The following NCBP2 variants were observed in gnomAD, a reference collection of about 807,000 sequenced individuals.
NCBP2 encodes the protein nuclear cap-binding protein subunit 2.
A neutral mutation model predicts 21.5 loss-of-function variants in NCBP2; 8 were observed. The observed-to-expected ratio is 0.37, with a 90% confidence interval of 0.22 to 0.67. The LOEUF is 0.67. Ranked by LOEUF, NCBP2 falls within the 30% of genes least tolerant of loss-of-function variation. NCBP2 has a pLI of 0.56. For missense variants in NCBP2, 127 were observed against 206.9 expected (o/e 0.61, Z 2.37); for synonymous variants, 92 against 75.8 (o/e 1.21, Z -1.11).
intron 3 of NCBP2, 191 bp downstream of exon 3, chr3:196,937,319 G>A (rs1256167451): frequency 3.5e-6 from 3 of 846,806 alleles, no homozygotes; most frequent in East Asian, 5.3e-5. Flanking sequence ...TGTTAGAAAC[G>A]TACAGAACAT....
intron 1 of NCBP2, 133 bp downstream of exon 1, chr3:196,942,293 C>A: frequency 6.6e-7 from 1 of 1,516,134 alleles, no homozygotes. Context: ...CCTGCCTCGC[C>A]AGCAGGCACC....
Position 196,939,448 on chromosome 3 carries a change from G to A in NCBP2, c.79-16C>T, listed in dbSNP as rs1716424038. ...CATTGTCACCCTAGAATTTCAAATAGAGACAAAAGTTAAGCAACTTCAGAG... is the reference window on the plus strand; with the variant it reads ...CATTGTCACCCTAGAATTTCAAATAAAGACAAAAGTTAAGCAACTTCAGAG... On this transcript the variant is annotated splice_polypyrimidine_tract_variant and intron_variant, in intron 1 of 3. Coordinates refer to ENST00000321256, the MANE Select transcript of NCBP2 (RefSeq NM_007362.5). 1 of 1,575,252 alleles carries A rather than the reference G, an allele frequency of 6.3e-7. No individual in the cohort carries two copies. The highest frequency in any genetic ancestry group is 1.4e-5 in the African/African-American group (1 of 73,364).
In NCBP2 at chr3:196,936,362, C is replaced by G. The variant is rs982215820; in HGVS notation, c.*649G>C. ...GCATGCCTTTAGAGGTTAGAATTCA[C>G]AGAAAACAAATTCAATTGTCAAACA... On this transcript the variant is annotated 3_prime_UTR_variant, in exon 4 of 4. Coordinates refer to ENST00000321256, the MANE Select transcript of NCBP2 (RefSeq NM_007362.5). 2 of 152,706 alleles carry G rather than the reference C, an allele frequency of 1.3e-5. No homozygotes were observed. The highest frequency in any genetic ancestry group is 2.9e-5 in the Non-Finnish European group (2 of 68,442). The allele number at this position is 152,706 out of a possible 1,614,324, so 9.5% of individuals were successfully genotyped here. A position where few individuals can be genotyped will look rare whatever the true frequency, so the allele number is the denominator to read the frequency against.
At chr3:196,942,191 C>A in intron 1 of NCBP2, 1 of 1,454,784 alleles carries the variant, frequency 6.9e-7, no homozygotes, top group Non-Finnish European at 9.0e-7. Context: ...CAGGGAGCGG[C>A]TGCGAGCGAA....
chr3:196,941,246 C>G (rs1716543429), intron 1 of NCBP2: 1 of 152,178 alleles, frequency 6.6e-6, no homozygotes, highest in African/African-American at 2.4e-5. Flanking sequence ...GCGCCTGCCA[C>G]CACGCCCGCC....
intron 2 of NCBP2, 29 bp downstream of exon 2, chr3:196,939,222 C>G: frequency 6.3e-7 from 1 of 1,597,794 alleles, no homozygotes; most frequent in Non-Finnish European, 8.6e-7. Flanking sequence ...CCTGGTTCAG[C>G]AGCTACATTA....
At chr3:196,939,197 C>A (rs752083684) in intron 2 of NCBP2, 54 bp downstream of exon 2, 1 of 1,514,676 alleles carries the variant, frequency 6.6e-7, no homozygotes, top group Non-Finnish European at 9.2e-7. Context: ...TATGAGCTAC[C>A]ACTCTCAGCT....
chr3:196,942,330 T>G, intron 1 of NCBP2, 96 bp downstream of exon 1: 1 of 1,542,358 alleles, frequency 6.5e-7, no homozygotes, highest in South Asian at 1.2e-5. Context: ...TTTGCGGATT[T>G]CAGCTGAATG....
chr3:196,941,208 T>A (rs1337248401), intron 1 of NCBP2: 4 of 152,184 alleles, frequency 2.6e-5, no homozygotes, highest in Non-Finnish European at 5.9e-5. Context: ...TTCTCCTGCC[T>A]CAGCCTCCCG....
At position 196,936,710 on chromosome 3, in the gene NCBP2, AGT is replaced by A. The variant is rs1716280963; in HGVS notation, c.*299_*300del. ...TCTTACATTTTTCTGTCTTTCTAAAAGTGTAGTGGTTATGGCTAAAGACTAAT... is the reference window on the plus strand; with the variant it reads ...TCTTACATTTTTCTGTCTTTCTAAAAGTAGTGGTTATGGCTAAAGACTAAT... On this transcript the variant is annotated 3_prime_UTR_variant, in exon 4 of 4. Transcript: ENST00000321256. 5.1e-6 allele frequency: 2 copies of A among 394,506 alleles called. No individual in the cohort carries two copies. Among genetic ancestry groups the A allele is most frequent in the South Asian group, 7.6e-5 (2 of 26,448 alleles). The allele number at this position is 394,506 out of a possible 1,614,324, so 24.4% of individuals were successfully genotyped here.
intron 2 of NCBP2, chr3:196,938,443 A>G (rs1716367603): frequency 6.6e-6 from 1 of 152,230 alleles, no homozygotes; most frequent in Non-Finnish European, 1.5e-5. Context: ...TGGGCCTGCA[A>G]AATTTCTCAG....
At chr3:196,939,513 C>T (rs1716428292) in intron 1 of NCBP2, 81 bp from the exon 2 acceptor site, 4 of 1,076,576 alleles carry the variant, frequency 3.7e-6, no homozygotes, top group Non-Finnish European at 3.9e-6. Context: ...TAGAGACATT[C>T]ATTAATTCTG....
At position 196,937,528 on chromosome 3, in the gene NCBP2, A is replaced by C; in HGVS notation, c.381T>G (p.Arg127=). 1 of 1,614,118 alleles carries C rather than the reference A, an allele frequency of 6.2e-7. No homozygotes were observed. The highest frequency in any genetic ancestry group is 8.5e-7 in the Non-Finnish European group (1 of 1,180,012). Reference sequence around the variant, plus strand: ...TGCATACCTGGCCCCCAGATCGCCCACGGCCGTATTGCCTGCCCTCCTTAA... The same window carrying C: ...TGCATACCTGGCCCCCAGATCGCCCCCGGCCGTATTGCCTGCCCTCCTTAA... The part of the protein sequence containing the change: ...AGFKEGRQYG[R]GRSGGQVRDE... Residue 127 remains arginine, a synonymous_variant, in exon 3 of 4, where the codon CGT becomes CGG. Coordinates refer to ENST00000321256, the MANE Select transcript of NCBP2 (RefSeq NM_007362.5).
At position 196,935,743 on chromosome 3, in the gene NCBP2, A is replaced by AT. The variant is rs1289761049; in HGVS notation, c.*1267dup. ...TTGTTGCTAAGTGAAAAAAATGCAC[A>AT]TTTTTTCATATCAGGGAAAATTATA... On this transcript the variant is annotated 3_prime_UTR_variant, in exon 4 of 4. Coordinates refer to ENST00000321256, the MANE Select transcript of NCBP2 (RefSeq NM_007362.5). The AT allele has an allele frequency of 1.3e-5, 2 of 152,266 alleles. No homozygotes were observed. The highest frequency in any genetic ancestry group is 4.8e-5 in the African/African-American group (2 of 41,556). 9.4% of individuals were successfully genotyped at this position (152,266 alleles called of 1,614,324 possible).
intron 3 of NCBP2, 55 bp downstream of exon 3, chr3:196,937,455 T>C (rs912737782): frequency 6.2e-7 from 1 of 1,604,398 alleles, no homozygotes; most frequent in African/African-American, 1.3e-5. Flanking sequence ...AAAACACCTG[T>C]CATTGTGACT....
intron 1 of NCBP2, chr3:196,941,966 G>C (rs1466889737): frequency 6.5e-7 from 1 of 1,536,312 alleles, no homozygotes; most frequent in African/African-American, 1.4e-5. Context: ...CATCCTCCCA[G>C]AGAAGGGGCC....
rs958209341 is a variant in NCBP2 at position 196,936,313 on chromosome 3, C to G, written c.*698G>C. On this transcript the variant is annotated 3_prime_UTR_variant, in exon 4 of 4. Transcript: ENST00000321256. The stretch of plus-strand genomic sequence containing the variant: ...GTGGAGATTGCTTTTGCACCAACTA[C>G]ACAGGAAGGTCCTTGACCTCTAAGC... 2 of 152,378 alleles carry G rather than the reference C, an allele frequency of 1.3e-5. No individual in the cohort carries two copies. The highest frequency in any genetic ancestry group is 4.8e-5 in the African/African-American group (2 of 41,466). The allele number at this position is 152,378 out of a possible 1,614,324, so 9.4% of individuals were successfully genotyped here.
At chr3:196,939,506 A>T (rs766939273) in intron 1 of NCBP2, 74 bp from the exon 2 acceptor site, 1 of 1,109,368 alleles carries the variant, frequency 9.0e-7, no homozygotes, top group Non-Finnish European at 1.3e-6. Flanking sequence ...AGTACGGTAG[A>T]GACATTCATT....
Position 196,937,643 on chromosome 3 carries a change from T to A in NCBP2, c.266A>T (p.Tyr89Phe). 6 of 1,614,076 alleles carry A rather than the reference T, an allele frequency of 3.7e-6. No homozygotes were observed. The highest frequency in any genetic ancestry group is 5.1e-6 in the Non-Finnish European group (6 of 1,180,024). ...TACGFCFVEY[Y>F]SRADAENAMR... ...GGCGTTTTCCGCATCTGCGCGTGAG[T>A]AATATCTTAAGTATTAAGGAACACT... The change falls in exon 3 of 4, where the codon TAC becomes TTC. Residue 89 changes from tyrosine (Y) to phenylalanine (F), a missense_variant. Transcript: ENST00000321256.
Sources: allele counts gnomAD v4.1 joint callset, GRCh38; gene constraint gnomAD v4.1.1; transcripts MANE v1.5; gene names NCBI Gene and HGNC (gene_info 2026-07-23, HGNC 2026-07-21).